Variants in GTPBP6 observed in about 807,000 individuals in gnomAD.
The protein encoded by GTPBP6 is putative GTP-binding protein 6.
In GTPBP6, 33 loss-of-function variants were observed where a neutral mutation model predicts 28.9. The ratio of observed to expected loss-of-function variants is 1.14; its 90% CI spans 0.87 to 1.53. The LOEUF is 1.53. Ranked by LOEUF, GTPBP6 falls within the 40% of genes most tolerant of loss-of-function variation. The pLI is 0.00. For missense variants in GTPBP6, 507 were observed against 408.3 expected (o/e 1.24, Z -2.08); for synonymous variants, 231 against 192.7 (o/e 1.20, Z -1.65).
intron 6 of GTPBP6, chrX:311,953 G>A: frequency 3.5e-6 from 2 of 569,382 alleles, no homozygotes. Context: ...TGGTGTAGGT[G>A]GGGTGGTGGT....
chrX:318,649 G>C (rs1284596997), exon 1 of GTPBP6: 1 of 397,364 alleles, frequency 2.5e-6, no homozygotes. Context: ...GGCCCCTCCA[G>C]ATTCCCGGGG....
intron 5 of GTPBP6, 85 bp downstream of exon 5, chrX:314,065 G>C: frequency 2.8e-6 from 3 of 1,054,566 alleles, no homozygotes; most frequent in Non-Finnish European, 4.4e-6. Context: ...CACCCTGTTG[G>C]AATCTTCCAG....
At chrX:315,667 G>A (rs1476231762) in intron 2 of GTPBP6, among the ~76,000 whole-genome samples, 38 of 11,124 alleles carry the variant, frequency 3.4e-3, no homozygotes, top group Middle Eastern at 0.071. Flanking sequence ...AACACATCCC[G>A]GCAGGGACAC....
chrX:304,797 C>T (rs1195104751), exon 10 of GTPBP6: 46 of 1,349,988 alleles, frequency 3.4e-5, no homozygotes, highest in African/African-American at 5.9e-5. Flanking sequence ...GGAAACATTC[C>T]GAGGGAAAGC....
exon 8 of GTPBP6, chrX:307,757 G>C: frequency 6.6e-7 from 1 of 1,510,332 alleles, no homozygotes; most frequent in Non-Finnish European, 8.9e-7. Flanking sequence ...ACCTTGTTGT[G>C]AACCTCCACC....
At chrX:314,868 C>T (rs1367603531) in intron 4 of GTPBP6, 22 bp downstream of exon 4, 17 of 399,316 alleles carry the variant, frequency 4.3e-5, no homozygotes, top group African/African-American at 1.0e-4. Flanking sequence ...ACGCTCGGCG[C>T]GGCCCAGGGG....
chrX:316,422 C>A (rs1488576019), intron 2 of GTPBP6, among the ~76,000 whole-genome samples: 1 of 151,992 alleles, frequency 6.6e-6, no homozygotes, highest in Non-Finnish European at 1.5e-5. Flanking sequence ...GAAAGCTGAC[C>A]CCCACCTGGG....
intron 2 of GTPBP6, among the ~76,000 whole-genome samples, chrX:316,146 CAGTAAAT>C (rs2070434387): frequency 2.0e-5 from 2 of 100,618 alleles, no homozygotes; most frequent in Non-Finnish European, 4.0e-5. Context: ...CACACACACA[CAGTAAAT>C]ACATCCCGAC....
Position 317,913 on chromosome X carries a change from G to A in GTPBP6, c.349+526C>T, listed in dbSNP as rs1324203745. 2.4e-4 allele frequency among the ~76,000 whole-genome samples: 25 copies of A among 103,434 alleles called. No individual in the cohort carries two copies. The East Asian group carries it at 5.0e-3, about 21-fold the overall frequency. The allele number at this position is 103,434 out of a possible 152,430, so 67.9% of individuals were successfully genotyped here. On this transcript the variant is annotated intron_variant, in intron 1 of 9. Transcript: ENST00000326153. ...GGCTCCTCCCCCGAACCCCACCCAT[G>A]CACCTCCACCTATGAGATCCTCCCT...
At chrX:305,632 ATT>A (rs61699986) in intron 9 of GTPBP6, among the ~76,000 whole-genome samples, 6 of 122,480 alleles carry the variant, frequency 4.9e-5, no homozygotes, top group African/African-American at 6.2e-5. Context: ...TTTATTTTTT[ATT>A]TTTTTTTTTG....
At chrX:315,588 T>G (rs1409587090) in intron 2 of GTPBP6, among the ~76,000 whole-genome samples, 1 of 29,088 alleles carries the variant, frequency 3.4e-5, no homozygotes, top group African/African-American at 1.1e-4. Context: ...ACACACACAG[T>G]AAATACATCC....
intron 7 of GTPBP6, among the ~76,000 whole-genome samples, chrX:308,836 C>T (rs1419351382): frequency 6.6e-6 from 1 of 150,938 alleles, no homozygotes; most frequent in Admixed American, 6.6e-5. Flanking sequence ...CCGGGTTCAG[C>T]CATTCTCCTG....
chrX:311,907 G>A (rs745947258), intron 6 of GTPBP6: 30 of 597,594 alleles, frequency 5.0e-5, no homozygotes, highest in East Asian at 3.1e-4. Flanking sequence ...GAGTGAGGTC[G>A]TCTGTGTAGA....
intron 7 of GTPBP6, among the ~76,000 whole-genome samples, chrX:308,387 G>A (rs995595396): frequency 1.3e-5 from 2 of 152,086 alleles, no homozygotes; most frequent in African/African-American, 4.8e-5. Flanking sequence ...GGGTATCCAC[G>A]TCTACTTTTT....
At chrX:318,026 C>A (rs1374168682) in intron 1 of GTPBP6, among the ~76,000 whole-genome samples, 1 of 139,372 alleles carries the variant, frequency 7.2e-6, no homozygotes, top group Non-Finnish European at 1.6e-5. Flanking sequence ...CTCCAACCAT[C>A]AGACCCTCTC....
chrX:313,206 G>C (rs940086103), intron 5 of GTPBP6, among the ~76,000 whole-genome samples: 1 of 152,246 alleles, frequency 6.6e-6, no homozygotes, highest in African/African-American at 2.4e-5. Flanking sequence ...GGAGGCCTCC[G>C]AGCGGGACAC....
chrX:306,663 G>GCA (rs1260403807), intron 9 of GTPBP6, among the ~76,000 whole-genome samples: 6 of 144,848 alleles, frequency 4.1e-5, no homozygotes, highest in African/African-American at 1.0e-4. Context: ...CCTGTTGTAT[G>GCA]CAGTCAGAAA....
At chrX:309,609 C>T (rs181555423) in intron 7 of GTPBP6, among the ~76,000 whole-genome samples, 26 of 152,254 alleles carry the variant, frequency 1.7e-4, no homozygotes, top group Non-Finnish European at 3.2e-4. Context: ...CTAGGAGACA[C>T]AGACACAGAG....
Position 314,305 on chromosome X carries a change from C to G in GTPBP6, c.690-88G>C, listed in dbSNP as rs1179110252. 3.8e-6 allele frequency: 4 copies of G among 1,045,686 alleles called. No homozygotes were observed. In the African/African-American group the frequency reaches 6.3e-5, roughly 16 times the overall value. 64.8% of individuals were successfully genotyped at this position (1,045,686 alleles called of 1,614,324 possible). ...AGGTGAAGGTGAAGGGGGCACTGAG[C>G]TGGGCCTCTGGGCCGAAGGGAGGAG... On this transcript the variant is annotated intron_variant, in intron 4 of 9. Transcript: ENST00000326153.
Sources: gnomAD v4.1 joint callset for allele counts (sites outside exome capture counted in the v4.1 genomes callset) on GRCh38, gnomAD v4.1.1 for gene constraint, MANE v1.5 for transcripts, NCBI Gene and HGNC (gene_info 2026-07-23, HGNC 2026-07-21) for gene names.